The following LRRIQ1 variants were observed in gnomAD, a reference collection of about 807,000 sequenced individuals.
LRRIQ1 encodes leucine rich repeats and IQ motif containing 1.
A neutral mutation model predicts 211.9 loss-of-function variants in LRRIQ1; 210 were observed. The observed-to-expected ratio is 0.99, with a 90% confidence interval of 0.89 to 1.11. The LOEUF (loss-of-function observed/expected upper bound fraction) is 1.11. Among genes scored for constraint, LRRIQ1 ranks in the 50% most tolerant of loss-of-function variants. The pLI is 0.00. For synonymous variants in LRRIQ1, 699 were observed against 650.1 expected (o/e 1.08, Z -1.14); for missense variants, 2,136 against 1,939.5 (o/e 1.10, Z -1.90).
chr12:85,267,786 G>A (rs1316796848), downstream of LRRIQ1, among the ~76,000 whole-genome samples: 1 of 152,046 alleles, frequency 6.6e-6, no homozygotes, highest in East Asian at 1.9e-4. Context: ...ATATTTTGGT[G>A]TGAGACATAT....
intron 11 of LRRIQ1, among the ~76,000 whole-genome samples, chr12:85,086,995 C>T (rs1007024306): frequency 6.6e-6 from 1 of 151,618 alleles, no homozygotes; most frequent in Non-Finnish European, 1.5e-5. Flanking sequence ...GCACAACGTG[C>T]AGGTTTGTTA....
At chr12:85,119,447 T>C (rs1208958510) in intron 15 of LRRIQ1, among the ~76,000 whole-genome samples, 1 of 152,206 alleles carries the variant, frequency 6.6e-6, no homozygotes, top group Non-Finnish European at 1.5e-5. Flanking sequence ...TTTTGGCGAT[T>C]ATGAATAAAG....
At chr12:85,189,419 A>G (rs539887080) in intron 24 of LRRIQ1, among the ~76,000 whole-genome samples, 11 of 152,210 alleles carry the variant, frequency 7.2e-5, no homozygotes, top group African/African-American at 2.6e-4. Flanking sequence ...GAAATATTCA[A>G]ATGGAAAAGA....
intron 1 of LRRIQ1, among the ~76,000 whole-genome samples, chr12:85,260,815 A>G (rs184404234): frequency 1.3e-5 from 2 of 152,184 alleles, no homozygotes; most frequent in East Asian, 3.8e-4. Context: ...ATATCAAGCT[A>G]TAGGTTTCCA....
intron 18 of LRRIQ1, among the ~76,000 whole-genome samples, chr12:85,136,538 A>G (rs193024792): frequency 2.0e-5 from 3 of 152,010 alleles, no homozygotes; most frequent in African/African-American, 4.8e-5. Flanking sequence ...ATTCTTGGCT[A>G]ATTGCTGCAG....
downstream of LRRIQ1, among the ~76,000 whole-genome samples, chr12:85,266,658 A>C (rs2137352932): frequency 6.6e-6 from 1 of 152,262 alleles, no homozygotes; most frequent in South Asian, 2.1e-4. Flanking sequence ...CCTGTAGGAA[A>C]GGATCATGAG....
At chr12:85,196,264 T>C (rs902427533) in intron 24 of LRRIQ1, among the ~76,000 whole-genome samples, 6 of 152,028 alleles carry the variant, frequency 3.9e-5, no homozygotes, top group African/African-American at 7.2e-5. Context: ...AGGTAATTTA[T>C]AGATTCAATG....
intron 24 of LRRIQ1, among the ~76,000 whole-genome samples, chr12:85,172,066 A>G (rs533653095): frequency 1.3e-5 from 2 of 152,336 alleles, no homozygotes; most frequent in South Asian, 2.1e-4. Context: ...CAAAGCACGC[A>G]TACCACCCAA....
chr12:85,221,070 C>T (rs1565912132), intron 24 of LRRIQ1, among the ~76,000 whole-genome samples: 1 of 151,948 alleles, frequency 6.6e-6, no homozygotes. Context: ...CATCAGGCTC[C>T]CAAAGTGCTG....
intron 18 of LRRIQ1, among the ~76,000 whole-genome samples, chr12:85,135,728 A>G (rs1213171256): frequency 2.5e-5 from 2 of 79,042 alleles, no homozygotes; most frequent in Admixed American, 2.9e-4. Flanking sequence ...TAGTCTCATC[A>G]AGTTCAATTT....
At chr12:85,164,210 A>C (rs2136756578) in intron 24 of LRRIQ1, among the ~76,000 whole-genome samples, 1 of 152,102 alleles carries the variant, frequency 6.6e-6, no homozygotes, top group East Asian at 1.9e-4. Flanking sequence ...TTCTGTCTTA[A>C]TTGTTTAGTT....
chr12:85,086,615 T>G (rs1302201015), intron 11 of LRRIQ1, among the ~76,000 whole-genome samples: 1 of 43,290 alleles, frequency 2.3e-5, no homozygotes, highest in African/African-American at 7.5e-5. Context: ...ATTTCTTTTC[T>G]TTTTTTTTTT....
chr12:85,049,506 A>T (rs898993864), intron 6 of LRRIQ1, among the ~76,000 whole-genome samples: 1 of 151,962 alleles, frequency 6.6e-6, no homozygotes, highest in Non-Finnish European at 1.5e-5. Flanking sequence ...TGCTTTTTCT[A>T]TATGCTGAAA....
At chr12:85,103,541 T>A (rs1205628353) in intron 13 of LRRIQ1, among the ~76,000 whole-genome samples, 1 of 151,758 alleles carries the variant, frequency 6.6e-6, no homozygotes, top group Non-Finnish European at 1.5e-5. Context: ...TAATTTCTCC[T>A]GTTGAAAAGT....
At chr12:85,162,036 C>T (rs1439811641) in intron 24 of LRRIQ1, among the ~76,000 whole-genome samples, 1 of 149,318 alleles carries the variant, frequency 6.7e-6, no homozygotes, top group Non-Finnish European at 1.5e-5. Context: ...GAGACTCCAC[C>T]TCAAAAAAAA....
chr12:85,054,187 T>C (rs1486564900), intron 7 of LRRIQ1, among the ~76,000 whole-genome samples: 1 of 152,138 alleles, frequency 6.6e-6, no homozygotes, highest in Non-Finnish European at 1.5e-5. Context: ...GATATGACAG[T>C]ACATAAAATT....
At chr12:85,068,459 G>A (rs963438028) in intron 10 of LRRIQ1, among the ~76,000 whole-genome samples, 1 of 151,718 alleles carries the variant, frequency 6.6e-6, no homozygotes, top group South Asian at 2.1e-4. Context: ...ATAACCATTA[G>A]TTATATTAAA....
intron 24 of LRRIQ1, among the ~76,000 whole-genome samples, chr12:85,191,889 A>G (rs568442175): frequency 6.6e-6 from 1 of 151,746 alleles, no homozygotes; most frequent in Non-Finnish European, 1.5e-5. Context: ...GCATCTTTTC[A>G]TATGTTATTT....
chr12:85,094,649 A>G (rs2136248949), intron 11 of LRRIQ1, among the ~76,000 whole-genome samples: 1 of 152,268 alleles, frequency 6.6e-6, no homozygotes. Context: ...AATTCTATAA[A>G]AAATGATGTT....
Sources: allele counts gnomAD v4.1 joint callset (sites outside exome capture counted in the v4.1 genomes callset), GRCh38; gene constraint gnomAD v4.1.1; transcripts MANE v1.5; gene names NCBI Gene and HGNC (gene_info 2026-07-23, HGNC 2026-07-21).